NOA1: variants seen among roughly 807,000 people sequenced by gnomAD.
The protein encoded by NOA1 is nitric oxide-associated protein 1.
A neutral mutation model predicts 58.4 loss-of-function variants in NOA1; 35 were observed. That is an observed-to-expected ratio of 0.60 (90% CI 0.46 to 0.79). The LOEUF is 0.79. Ranked by LOEUF, NOA1 falls within the 30% of genes least tolerant of loss-of-function variation. NOA1 has a pLI of 0.00. For synonymous variants in NOA1, 397 were observed against 373.4 expected, an observed-to-expected ratio of 1.06 and a Z score of -0.73; for missense variants, 895 against 894.6, an observed-to-expected ratio of 1.00 and a Z score of -0.01.
intron 5 of NOA1, among the ~76,000 whole-genome samples, chr4:56,965,260 C>A (rs567713077): frequency 6.6e-6 from 1 of 152,236 alleles, no homozygotes; most frequent in Non-Finnish European, 1.5e-5. Context: ...ACCTCGGCCT[C>A]CCAAAGTGCT....
At chr4:56,965,693 GGTGTGTGTGTGT>G (rs10548713) in intron 5 of NOA1, among the ~76,000 whole-genome samples, 5 of 149,062 alleles carry the variant, frequency 3.4e-5, no homozygotes, top group African/African-American at 7.4e-5. Flanking sequence ...TCCAAAGTAT[GGTGTGTGTGTGT>G]GTGTGTGTGT....
At chr4:56,971,440 T>C (rs1207840284) in intron 3 of NOA1, among the ~76,000 whole-genome samples, 1 of 151,376 alleles carries the variant, frequency 6.6e-6, no homozygotes, top group East Asian at 1.9e-4. Context: ...AAAGATGGCA[T>C]GAGCAATTAT....
chr4:56,973,788 G>GT, intron 2 of NOA1, 70 bp downstream of exon 2: 1 of 1,486,788 alleles, frequency 6.7e-7, no homozygotes. Context: ...TCGGACAGCT[G>GT]TATTTCAGGT....
rs199906201 is a variant in NOA1 at position 56,973,239 on chromosome 4, T to C, written c.1424A>G (p.His475Arg). 588 of 1,614,148 alleles carry C rather than the reference T, an allele frequency of 3.6e-4. No individual in the cohort carries two copies. The highest frequency in any genetic ancestry group is 4.8e-4 in the Non-Finnish European group (564 of 1,180,010). Residue 475 changes from histidine to arginine, a missense_variant, in exon 3 of 7, where the codon CAC (histidine) becomes CGC (arginine). Physicochemically the swap from His to Arg is conservative, Grantham distance 29. Around this residue, in one of 3 missense-constraint regions of NOA1, gnomAD observed 680 missense variants for 656.5 expected, o/e 1.04. Transcript: ENST00000264230. ...DMENDPVMGT[H>R]KSTKQVELTA... ...CAATTCTACTTGTTTGGTGGATTTG[T>C]GTGTACCCATAACAGGGTCATTTTC...
At chr4:56,964,249 T>G (rs1280869644) in intron 6 of NOA1, among the ~76,000 whole-genome samples, 157 bp downstream of exon 6, 1 of 152,150 alleles carries the variant, frequency 6.6e-6, no homozygotes, top group Non-Finnish European at 1.5e-5. Flanking sequence ...GTACTTTTAG[T>G]AGAGACGGGG....
At chr4:56,971,555 C>T (rs1006110447) in intron 3 of NOA1, among the ~76,000 whole-genome samples, 3 of 151,864 alleles carry the variant, frequency 2.0e-5, no homozygotes, top group Admixed American at 2.0e-4. Context: ...CTGATGAGGC[C>T]AAGAAAAGTA....
intron 3 of NOA1, among the ~76,000 whole-genome samples, chr4:56,969,947 A>ATT (rs11464956): frequency 6.6e-6 from 1 of 151,618 alleles, no homozygotes; most frequent in South Asian, 2.1e-4. Context: ...TGCTTGGCTA[A>ATT]TTTTTTTGGT....
At chr4:56,975,819 T>C (rs1489601674) in intron 1 of NOA1, among the ~76,000 whole-genome samples, 1 of 152,120 alleles carries the variant, frequency 6.6e-6, no homozygotes, top group Non-Finnish European at 1.5e-5. Context: ...GAGGTTACAG[T>C]GAGCCACTGC....
Position 56,964,481 on chromosome 4 carries a change from C to G in NOA1, c.1810G>C (p.Val604Leu), listed in dbSNP as rs976254196. The G allele has an allele frequency of 6.2e-7, 1 of 1,614,002 alleles. No homozygotes were observed. The change falls in exon 6 of 7, where the codon GTT (valine) becomes CTT (leucine). Residue 604 changes from valine to leucine, a missense_variant. Physicochemically the swap from Val to Leu is conservative, Grantham distance 32. Around this residue, in one of 3 missense-constraint regions of NOA1, gnomAD observed 212 missense variants for 221.3 expected, o/e 0.96. Transcript: ENST00000264230. ...TCTTTTAACATAATGTCTTCAGCAACAAGAGGAGGAAATCCTGCCATTCGT... is the reference window on the plus strand; with the variant it reads ...TCTTTTAACATAATGTCTTCAGCAAGAAGAGGAGGAAATCCTGCCATTCGT... ...KERMAGFPPL[V>L]AEDIMLKEGL...
intron 5 of NOA1, 62 bp from the exon 6 acceptor site, chr4:56,964,588 G>C: frequency 2.0e-6 from 3 of 1,515,340 alleles, no homozygotes; most frequent in Non-Finnish European, 2.7e-6. Flanking sequence ...CTAACATTAA[G>C]CAAATCACTG....
chr4:56,973,462 G>A lies in NOA1; in HGVS notation c.1310-109C>T. 4.4e-6 allele frequency: 4 copies of A among 918,618 alleles called. No individual in the cohort carries two copies. The South Asian group carries it at 4.4e-5, about 10-fold the overall frequency. The allele number at this position is 918,618 out of a possible 1,614,324, so 56.9% of individuals were successfully genotyped here. Reference sequence around the variant, plus strand: ...GTTACTAAGATTACAGTGTAGGGAAGTGAGACCATAATGATACTTTTGCTT... The same window carrying A: ...GTTACTAAGATTACAGTGTAGGGAAATGAGACCATAATGATACTTTTGCTT... On this transcript the variant is annotated intron_variant, in intron 2 of 6. Transcript: ENST00000264230.
At chr4:56,963,736 A>G in intron 6 of NOA1, 75 bp from the exon 7 acceptor site, 1 of 1,047,592 alleles carries the variant, frequency 9.5e-7, no homozygotes, top group Non-Finnish European at 1.5e-6. Context: ...AAAGCTGAAA[A>G]TGGACTATCA....
At chr4:56,968,352 A>C in intron 4 of NOA1, 32 bp downstream of exon 4, 1 of 1,593,894 alleles carries the variant, frequency 6.3e-7, no homozygotes, top group South Asian at 1.2e-5. Flanking sequence ...AATATTTTAA[A>C]ATCATTTTTT....
At chr4:56,974,173 C>G in intron 1 of NOA1, 151 bp from the exon 2 acceptor site, 1 of 622,784 alleles carries the variant, frequency 1.6e-6, no homozygotes, top group Non-Finnish European at 2.7e-6. Flanking sequence ...GAGATTAGTT[C>G]ACAGGGGAAA....
intron 1 of NOA1, among the ~76,000 whole-genome samples, chr4:56,974,428 G>A (rs561785218): frequency 1.3e-5 from 2 of 152,252 alleles, no homozygotes; most frequent in Non-Finnish European, 2.9e-5. Context: ...CAGGCGGGTG[G>A]ATCACTTGAG....
At chr4:56,968,616 C>T in intron 3 of NOA1, 101 bp from the exon 4 acceptor site, 1 of 1,008,346 alleles carries the variant, frequency 9.9e-7, no homozygotes, top group East Asian at 2.7e-5. Flanking sequence ...ATATGCCAGA[C>T]TTCAAAATAA....
intron 3 of NOA1, among the ~76,000 whole-genome samples, chr4:56,969,673 T>A (rs1329046748): frequency 1.3e-5 from 2 of 152,150 alleles, no homozygotes; most frequent in Non-Finnish European, 1.5e-5. Flanking sequence ...CTTCATTATT[T>A]GTGTTTGAAA....
Position 56,977,531 on chromosome 4 carries a change from C to A in NOA1, c.55G>T (p.Ala19Ser). 6.2e-7 allele frequency: 1 copy of A among 1,612,344 alleles called. No individual in the cohort carries two copies. The highest frequency in any genetic ancestry group is 8.5e-7 in the Non-Finnish European group (1 of 1,179,444). ...AGGCCATGGCGCGCTGCCGTGGGAG[C>A]GGATCCACGAAGGAAAAGGCTCAGC... is the stretch of plus-strand genomic sequence containing the variant. ...RLLSLFLRGS[A>S]PTAARHGLRE... The change falls in exon 1 of 7, where the codon GCT (alanine) becomes TCT (serine). Residue 19 changes from alanine to serine, a missense_variant. Ala to Ser is a moderately conservative substitution (Grantham distance 99). Transcript: ENST00000264230.
intron 3 of NOA1, 35 bp from the exon 4 acceptor site, chr4:56,968,550 T>G (rs752371696): frequency 1.8e-5 from 26 of 1,467,000 alleles, no homozygotes; most frequent in Middle Eastern, 1.8e-4. Context: ...AAGAAAATAC[T>G]TTTATTGAAA....
Sources: allele counts gnomAD v4.1 joint callset (sites outside exome capture counted in the v4.1 genomes callset), GRCh38; gene constraint gnomAD v4.1.1; regional missense constraint gnomAD v4.1.1; transcripts MANE v1.5; gene names NCBI Gene and HGNC (gene_info 2026-07-23, HGNC 2026-07-21).